Variants in RARB observed in about 807,000 individuals in gnomAD.
The protein encoded by RARB is HBV-activated protein.
A neutral mutation model predicts 51.9 loss-of-function variants in RARB; 17 were observed. The ratio of observed to expected loss-of-function variants is 0.33; its 90% CI spans 0.22 to 0.49. RARB has a LOEUF of 0.49. RARB is among the 20% of genes least tolerant of loss of function. The pLI is 0.99. For synonymous variants in RARB, 215 were observed against 195.4 expected (o/e 1.10, Z -0.84); for missense variants, 369 against 550.8 (o/e 0.67, Z 3.30).
chr3:24,913,354 C>T (rs942815000), intron 2 of RARB, among the ~76,000 whole-genome samples: 1 of 148,964 alleles, frequency 6.7e-6, no homozygotes, highest in Non-Finnish European at 1.5e-5. Context: ...ATTGTAGAGA[C>T]AACTTACAAA....
intron 5 of RARB, among the ~76,000 whole-genome samples, chr3:25,347,471 A>G (rs1049055018): frequency 2.0e-5 from 3 of 152,232 alleles, no homozygotes; most frequent in African/African-American, 7.2e-5. Flanking sequence ...TCAATTATAT[A>G]TAACAAAGAA....
chr3:24,838,665 A>G (rs986954357), intron 1 of RARB, among the ~76,000 whole-genome samples: 1 of 152,216 alleles, frequency 6.6e-6, no homozygotes, highest in East Asian at 1.9e-4. Context: ...GGCCTCCAAA[A>G]AGTAAGCTTA....
At chr3:25,268,415 A>G (rs1703175927) in intron 5 of RARB, among the ~76,000 whole-genome samples, 1 of 151,340 alleles carries the variant, frequency 6.6e-6, no homozygotes, top group Non-Finnish European at 1.5e-5. Context: ...TCAAGATGCC[A>G]TGTGGCCTAC....
intron 3 of RARB, among the ~76,000 whole-genome samples, chr3:25,115,614 C>T (rs986021671): frequency 6.7e-6 from 1 of 149,532 alleles, no homozygotes; most frequent in African/African-American, 2.5e-5. Flanking sequence ...CTTTCTTTCT[C>T]TTCCTTTTTC....
At chr3:25,493,126 A>G (rs932654889) in intron 2 of RARB, among the ~76,000 whole-genome samples, 3 of 151,702 alleles carry the variant, frequency 2.0e-5, no homozygotes, top group South Asian at 4.2e-4. Context: ...GACTTGTTCA[A>G]TGTTCTTTTC....
At chr3:24,891,090 G>A (rs186836289) in intron 2 of RARB, among the ~76,000 whole-genome samples, 4 of 152,264 alleles carry the variant, frequency 2.6e-5, no homozygotes, top group Admixed American at 1.3e-4. Context: ...TGTGAACAAC[G>A]CAGCCCATAG....
chr3:25,050,615 A>G (rs1698314396), intron 2 of RARB, among the ~76,000 whole-genome samples: 1 of 152,126 alleles, frequency 6.6e-6, no homozygotes, highest in Non-Finnish European at 1.5e-5. Context: ...CTTTTTAGCA[A>G]GTTTCTTGTA....
intron 3 of RARB, among the ~76,000 whole-genome samples, chr3:25,509,909 C>T (rs1055550041): frequency 3.9e-5 from 6 of 152,186 alleles, no homozygotes; most frequent in Non-Finnish European, 1.5e-5. Flanking sequence ...GACTCTGTGG[C>T]CTGCCTTCCT....
chr3:25,442,980 C>A (rs1351584532), intron 1 of RARB, among the ~76,000 whole-genome samples: 1 of 152,096 alleles, frequency 6.6e-6, no homozygotes, highest in Non-Finnish European at 1.5e-5. Context: ...CAGAGAGGAA[C>A]TGGCCATATT....
intron 2 of RARB, among the ~76,000 whole-genome samples, chr3:25,500,451 C>CTTTT (rs1553624117): frequency 2.0e-5 from 1 of 49,940 alleles, no homozygotes; most frequent in African/African-American, 8.4e-5. Flanking sequence ...TCTTTCTTTT[C>CTTTT]TTGTTTTTTT....
chr3:25,216,082 T>G (rs1044036090), intron 5 of RARB, among the ~76,000 whole-genome samples: 8 of 152,158 alleles, frequency 5.3e-5, no homozygotes, highest in African/African-American at 1.2e-4. Flanking sequence ...GGTATACATA[T>G]GTACTTATTG....
intron 3 of RARB, among the ~76,000 whole-genome samples, chr3:25,086,951 G>T (rs1200517556): frequency 6.6e-6 from 1 of 152,114 alleles, no homozygotes; most frequent in Non-Finnish European, 1.5e-5. Context: ...TTCTCTCCTG[G>T]ATAAGGAAAA....
chr3:25,210,864 A>C (rs916268483), intron 5 of RARB, among the ~76,000 whole-genome samples: 1 of 151,936 alleles, frequency 6.6e-6, no homozygotes, highest in Admixed American at 6.6e-5. Flanking sequence ...GAAAACGTTT[A>C]CTGACTCTTG....
At chr3:24,892,716 A>T (rs1281972947) in intron 2 of RARB, among the ~76,000 whole-genome samples, 1 of 152,210 alleles carries the variant, frequency 6.6e-6, no homozygotes, top group East Asian at 1.9e-4. Flanking sequence ...TCTTAGTGTA[A>T]GAGTCAGTCA....
At chr3:25,182,577 G>C (rs1287867951) in intron 5 of RARB, among the ~76,000 whole-genome samples, 3 of 152,142 alleles carry the variant, frequency 2.0e-5, no homozygotes, top group African/African-American at 7.2e-5. Flanking sequence ...ACACATAAGG[G>C]TTGTGTTAGG....
At chr3:25,127,016 T>C (rs1239202000) in intron 3 of RARB, among the ~76,000 whole-genome samples, 2 of 152,132 alleles carry the variant, frequency 1.3e-5, no homozygotes, top group East Asian at 1.9e-4. Flanking sequence ...ATTCATCCTG[T>C]TCTCTCCATC....
intron 2 of RARB, among the ~76,000 whole-genome samples, chr3:25,488,007 G>T (rs1696553256): frequency 6.6e-6 from 1 of 152,178 alleles, no homozygotes; most frequent in Non-Finnish European, 1.5e-5. Flanking sequence ...TGGAGGGAGT[G>T]GTTGGTCCAA....
intron 3 of RARB, among the ~76,000 whole-genome samples, chr3:25,123,554 C>T (rs568373531): frequency 6.6e-6 from 1 of 152,318 alleles, no homozygotes; most frequent in East Asian, 1.9e-4. Context: ...AGAAAAGCAA[C>T]AGTTGTATCA....
intron 5 of RARB, among the ~76,000 whole-genome samples, chr3:25,362,906 T>G (rs1705994493): frequency 6.6e-6 from 1 of 152,208 alleles, no homozygotes; most frequent in African/African-American, 2.4e-5. Context: ...AGACTGGAGC[T>G]GTTCCTATTC....
Sources: gnomAD v4.1 joint callset for allele counts (sites outside exome capture counted in the v4.1 genomes callset) on GRCh38, gnomAD v4.1.1 for gene constraint, MANE v1.5 for transcripts, NCBI Gene and HGNC (gene_info 2026-07-23, HGNC 2026-07-21) for gene names.